PEX1: variants seen among roughly 807,000 people sequenced by gnomAD.
PEX1 encodes peroxisomal biogenesis factor 1, also known as peroxisomal ATPase PEX1.
In PEX1, 97 loss-of-function variants were observed where a neutral mutation model predicts 152.5. The observed-to-expected ratio is 0.64, with a 90% CI of 0.54 to 0.75. The LOEUF is 0.75. PEX1 is among the 30% of genes least tolerant of loss of function. The pLI is 0.00. For synonymous variants in PEX1, 485 were observed against 531.6 expected, an observed-to-expected ratio of 0.91 and a Z score of 1.21; for missense variants, 1,357 against 1,516.3, an observed-to-expected ratio of 0.89 and a Z score of 1.74.
chr7:92,503,008 A>G, intron 13 of PEX1, 33 bp downstream of exon 13: 1 of 1,572,664 alleles, frequency 6.4e-7, no homozygotes, highest in Non-Finnish European at 8.8e-7. Flanking sequence ...TAAAAGGGAC[A>G]TAATTCAATA....
chr7:92,494,349 C>G lies in PEX1; in HGVS notation c.2974G>C (p.Ala992Pro), dbSNP rs776760989. 2 of 1,613,956 alleles carry G rather than the reference C, an allele frequency of 1.2e-6. No individual in the cohort carries two copies. The highest frequency in any genetic ancestry group is 1.7e-5 in the Admixed American group (1 of 59,994). ...TCTAGTCGACCAGGCCTAAGCAGGG[C>G]AGGGTCAATCAAGTCAGGGCGACTA... ...ATSRPDLIDPALLRPGRLDKC... is the reference protein window; with the variant it reads ...ATSRPDLIDPPLLRPGRLDKC... The change falls in exon 19 of 24, where the codon GCC becomes CCC. Residue 992 changes from alanine (A) to proline (P), a missense_variant. Coordinates refer to ENST00000248633, the MANE Select transcript of PEX1 (RefSeq NM_000466.3).
At position 92,525,898 on chromosome 7, in the gene PEX1, G is replaced by A. The variant is rs956241909; in HGVS notation, c.129+2409C>T. 3.3e-5 allele frequency among the ~76,000 whole-genome samples: 5 copies of A among 152,230 alleles called. No homozygotes were observed. The South Asian group carries it at 1.0e-3, about 32-fold the overall frequency. ...CAGAGAATTGGAAAGCTATGTGGAG[G>A]AGGTAGGATTATTCCTTTTTAAAGA... On this transcript the variant is annotated intron_variant, in intron 1 of 23. Coordinates refer to ENST00000248633, the MANE Select transcript of PEX1 (RefSeq NM_000466.3).
intron 5 of PEX1, among the ~76,000 whole-genome samples, chr7:92,516,008 AAAGAGAAGAG>A (rs770569979): frequency 0.055 from 5,651 of 102,944 alleles, 327 homozygotes; most frequent in Non-Finnish European, 0.073. Flanking sequence ...AAAGAAAAGA[AAAGAGAAGAG>A]AAGAGAAGAG....
chr7:92,526,036 G>C (rs1056617729), intron 1 of PEX1, among the ~76,000 whole-genome samples: 11 of 152,170 alleles, frequency 7.2e-5, no homozygotes, highest in Non-Finnish European at 1.6e-4. Flanking sequence ...CGGTAGGTTG[G>C]GTGATGCAGA....
intron 1 of PEX1, among the ~76,000 whole-genome samples, chr7:92,525,719 C>A (rs983472444): frequency 6.6e-6 from 1 of 152,154 alleles, no homozygotes; most frequent in Non-Finnish European, 1.5e-5. Flanking sequence ...GTTGAGAAAT[C>A]CTGACTTAAA....
At chr7:92,510,052 G>C (rs747196207) in intron 8 of PEX1, among the ~76,000 whole-genome samples, 1 of 151,920 alleles carries the variant, frequency 6.6e-6, no homozygotes, top group Non-Finnish European at 1.5e-5. Context: ...GCTGAGGCAG[G>C]AGAATCACTT....
intron 20 of PEX1, among the ~76,000 whole-genome samples, chr7:92,492,373 A>G (rs988695880): frequency 6.6e-6 from 1 of 152,190 alleles, no homozygotes; most frequent in African/African-American, 2.4e-5. Flanking sequence ...CAGTTTGTGC[A>G]ACCATGATTT....
At chr7:92,495,621 CTT>C (rs1791616399) in intron 17 of PEX1, among the ~76,000 whole-genome samples, 1 of 152,178 alleles carries the variant, frequency 6.6e-6, no homozygotes, top group Admixed American at 6.5e-5. Flanking sequence ...CCCTTATTAT[CTT>C]TTACATTTCT....
At chr7:92,511,874 C>T (rs183614719) in intron 6 of PEX1, among the ~76,000 whole-genome samples, 171 bp from the exon 7 acceptor site, 5 of 152,318 alleles carry the variant, frequency 3.3e-5, no homozygotes, top group African/African-American at 7.2e-5. Context: ...ACAGTTAGCA[C>T]AATGAGTGCA....
In PEX1 at chr7:92,491,397, C is replaced by A. The variant is rs759180156; in HGVS notation, c.3313G>T (p.Asp1105Tyr). Residue 1105 changes from aspartate to tyrosine, a missense_variant, in exon 21 of 24, where the codon GAT (aspartate) becomes TAT (tyrosine). By Grantham distance (160) the Asp-to-Tyr change is radical. Transcript: ENST00000248633. ...DSAGDGECGL[D>Y]QSLVSLEMSE... is the part of the protein sequence containing the mutation. The stretch of plus-strand genomic sequence containing the variant: ...ATCTCTAAAGAAACAAGGGACTGAT[C>A]TAAGCCACATTCTCCATCTCCAGCT... The A allele has an allele frequency of 6.2e-7, 1 of 1,613,646 alleles. No individual in the cohort carries two copies. Among genetic ancestry groups the A allele is most frequent in the South Asian group, 1.1e-5 (1 of 91,084 alleles).
Position 92,506,196 on chromosome 7 carries a change from CCTGT to C in PEX1, c.1900+48_1900+51del, listed in dbSNP as rs552060989. 3.6e-4 allele frequency: 335 copies of C among 940,080 alleles called. 1 individual carries two copies. In the South Asian group the frequency reaches 4.0e-3, roughly 11 times the overall value. 58.2% of individuals were successfully genotyped at this position (940,080 alleles called of 1,614,324 possible). ...GATTGACAGCATTATGTATAACATT[CCTGT>C]CTTTCTAATGAAAAAGGGATTTATA... On this transcript the variant is annotated intron_variant, in intron 11 of 23. Transcript: ENST00000248633.
chr7:92,510,352 G>C (rs1792402057), intron 8 of PEX1, among the ~76,000 whole-genome samples: 1 of 151,604 alleles, frequency 6.6e-6, no homozygotes, highest in East Asian at 1.9e-4. Flanking sequence ...TGTGGTCCCA[G>C]CTACTTGGGA....
chr7:92,506,961 T>A (rs1792219498), intron 10 of PEX1, 33 bp downstream of exon 10: 5 of 1,609,816 alleles, frequency 3.1e-6, no homozygotes, highest in Non-Finnish European at 4.3e-6. Flanking sequence ...TTATTAAATG[T>A]TACAGAAAAA....
At chr7:92,511,456 T>C (rs1479763639) in intron 7 of PEX1, 124 bp downstream of exon 7, 13 of 826,624 alleles carry the variant, frequency 1.6e-5, no homozygotes, top group Admixed American at 9.6e-5. Context: ...AAAACTACTG[T>C]TTAATTATCA....
Position 92,517,589 on chromosome 7 carries a change from T to A in PEX1, c.926A>T (p.His309Leu). Residue 309 changes from histidine (H) to leucine (L), a missense_variant, in exon 5 of 24, where the codon CAC becomes CTC. By Grantham distance (99) the His-to-Leu change is moderately conservative. Coordinates refer to ENST00000248633, the MANE Select transcript of PEX1 (RefSeq NM_000466.3). ...CCATGGAAATACATGAATGGCACAG[T>A]GTTTATGAAAAACAGAGGTTGCTGA... is the stretch of plus-strand genomic sequence containing the variant. ...NASATSVFHK[H>L]CAIHVFPWDQ... 1 of 1,614,126 alleles carries A rather than the reference T, an allele frequency of 6.2e-7. No homozygotes were observed. Among genetic ancestry groups the A allele is most frequent in the South Asian group, 1.1e-5 (1 of 91,086 alleles).
At chr7:92,522,600 G>A (rs1321462795) in intron 1 of PEX1, among the ~76,000 whole-genome samples, 2 of 152,100 alleles carry the variant, frequency 1.3e-5, no homozygotes, top group African/African-American at 4.8e-5. Flanking sequence ...AGAAACTATA[G>A]CAAAAGCTAT....
At chr7:92,491,965 C>T (rs1243120733) in intron 20 of PEX1, among the ~76,000 whole-genome samples, 4 of 152,286 alleles carry the variant, frequency 2.6e-5, no homozygotes, top group African/African-American at 7.2e-5. Flanking sequence ...ACTGTAGGTT[C>T]TGTAGACATT....
intron 2 of PEX1, 122 bp from the exon 3 acceptor site, chr7:92,519,200 G>T: frequency 1.5e-6 from 1 of 668,076 alleles, no homozygotes; most frequent in Non-Finnish European, 2.7e-6. Flanking sequence ...GTTTTGGATG[G>T]GGGTGTATAT....
chr7:92,500,241 C>T (rs1462312789), intron 15 of PEX1, among the ~76,000 whole-genome samples: 1 of 152,110 alleles, frequency 6.6e-6, no homozygotes, highest in Non-Finnish European at 1.5e-5. Flanking sequence ...AGTAAAATAT[C>T]CCAAGAGTCT....
Sources: gnomAD v4.1 joint callset for allele counts (sites outside exome capture counted in the v4.1 genomes callset) on GRCh38, gnomAD v4.1.1 for gene constraint, MANE v1.5 for transcripts, NCBI Gene and HGNC (gene_info 2026-07-23, HGNC 2026-07-21) for gene names.